Variants in ATP9B observed in about 807,000 individuals in gnomAD.
ATP9B encodes ATPase phospholipid transporting 9B.
A neutral mutation model predicts 146.1 loss-of-function variants in ATP9B; 110 were observed. The observed-to-expected ratio is 0.75, with a 90% CI of 0.65 to 0.88. The LOEUF (loss-of-function observed/expected upper bound fraction) is 0.88. Among genes scored for constraint, ATP9B ranks in the 40% least tolerant of loss-of-function variants. ATP9B has a pLI of 0.00. For synonymous variants in ATP9B, 604 were observed against 569.7 expected, an observed-to-expected ratio of 1.06 and a Z score of -0.86; for missense variants, 1,499 against 1,496.4, an observed-to-expected ratio of 1.00 and a Z score of -0.03.
intron 14 of ATP9B, among the ~76,000 whole-genome samples, chr18:79,304,315 C>T (rs1424996007): frequency 6.6e-6 from 1 of 151,932 alleles, no homozygotes; most frequent in Admixed American, 6.6e-5. Flanking sequence ...TCGTTGGGGC[C>T]AAAGCTCCCT....
intron 4 of ATP9B, among the ~76,000 whole-genome samples, chr18:79,123,034 G>A (rs2094215919): frequency 1.3e-5 from 2 of 152,012 alleles, no homozygotes; most frequent in Non-Finnish European, 2.9e-5. Flanking sequence ...TAGGAACAAG[G>A]GTGTTTGCTC....
At chr18:79,070,525 TC>T (rs1350498248) in intron 1 of ATP9B, among the ~76,000 whole-genome samples, 1 of 152,252 alleles carries the variant, frequency 6.6e-6, no homozygotes, top group East Asian at 1.9e-4. Flanking sequence ...TGCCCTTTTT[TC>T]AGTGCTTGGT....
intron 11 of ATP9B, among the ~76,000 whole-genome samples, chr18:79,221,103 C>T (rs2095672155): frequency 6.6e-6 from 1 of 152,214 alleles, no homozygotes; most frequent in South Asian, 2.1e-4. Context: ...CTGACTCTAG[C>T]AGAGGGTGTA....
intron 15 of ATP9B, among the ~76,000 whole-genome samples, chr18:79,323,915 C>T (rs769926375): frequency 3.9e-5 from 6 of 152,158 alleles, no homozygotes; most frequent in Non-Finnish European, 7.3e-5. Context: ...TTTACATTCC[C>T]GACAACAGTG....
chr18:79,323,008 A>G (rs1211798854), intron 15 of ATP9B, among the ~76,000 whole-genome samples: 1 of 152,268 alleles, frequency 6.6e-6, no homozygotes, highest in Non-Finnish European at 1.5e-5. Context: ...TATGGGGTAC[A>G]TGTGATATTT....
At position 79,092,872 on chromosome 18, in the gene ATP9B, A is replaced by G. The variant is rs116235914; in HGVS notation, c.120-3604A>G. On this transcript the variant is annotated intron_variant, in intron 1 of 29. Coordinates refer to ENST00000426216, the MANE Select transcript of ATP9B (RefSeq NM_198531.5). ...ACAGTTAGCTTTTTAAAAAATAAAT[A>G]GAAAATGTCTGATCTAAAATAATAA... is the stretch of plus-strand genomic sequence containing the variant. 1.8e-3 allele frequency among the ~76,000 whole-genome samples: 268 copies of G among 152,300 alleles called. 3 individuals are homozygous for G. Among genetic ancestry groups the G allele is most frequent in the African/African-American group, 6.1e-3 (252 of 41,566 alleles).
chr18:79,070,601 G>A (rs1412734658), intron 1 of ATP9B, among the ~76,000 whole-genome samples: 1 of 152,190 alleles, frequency 6.6e-6, no homozygotes, highest in African/African-American at 2.4e-5. Flanking sequence ...AATTTTAGGA[G>A]TTCTTTAGTT....
chr18:79,167,167 C>T (rs1300341022), intron 7 of ATP9B, among the ~76,000 whole-genome samples: 1 of 152,206 alleles, frequency 6.6e-6, no homozygotes, highest in African/African-American at 2.4e-5. Flanking sequence ...CTCTCCTTCT[C>T]ATTGCTTGCA....
At chr18:79,347,399 C>G (rs2096895770) in intron 23 of ATP9B, among the ~76,000 whole-genome samples, 1 of 152,218 alleles carries the variant, frequency 6.6e-6, no homozygotes, top group South Asian at 2.1e-4. Flanking sequence ...GGTGTCCTCC[C>G]ACAGGGCTGG....
chr18:79,199,542 A>C (rs2095446728), intron 9 of ATP9B, among the ~76,000 whole-genome samples: 1 of 151,968 alleles, frequency 6.6e-6, no homozygotes, highest in African/African-American at 2.4e-5. Flanking sequence ...CTGGTGGATC[A>C]CGAGGTCAAG....
At chr18:79,372,788 T>C in intron 26 of ATP9B, 37 bp from the exon 27 acceptor site, 1 of 1,416,878 alleles carries the variant, frequency 7.1e-7, no homozygotes, top group Non-Finnish European at 1.0e-6. Context: ...AGCAGGTGGT[T>C]CTGCGCACTA....
rs570055730 is a variant in ATP9B at position 79,288,316 on chromosome 18, A to G, written c.1411+11120A>G. Among the ~76,000 whole-genome samples the G allele has an allele frequency of 3.2e-3, 482 of 151,706 alleles. 2 individuals are homozygous for G. Among genetic ancestry groups the G allele is most frequent in the African/African-American group, 0.011 (469 of 41,326 alleles). ...CTGGGTGCTCCTGTATTGGGTGCAT[A>G]TATATTTAGGATAGTTAGCTCTTCT... is the stretch of plus-strand genomic sequence containing the variant. On this transcript the variant is annotated intron_variant, in intron 13 of 29. Transcript: ENST00000426216.
In ATP9B at chr18:79,209,273, C is replaced by A. The variant is rs182059136; in HGVS notation, c.1030+2261C>A. 3.5e-4 allele frequency among the ~76,000 whole-genome samples: 53 copies of A among 152,354 alleles called. No individual in the cohort carries two copies. In the East Asian group the frequency reaches 7.3e-3, roughly 21 times the overall value. ...AGCTGACACATGGGGAGAAGACTTACATTTTCCATACATAGTTATTGCAGC... is the reference window on the plus strand; with the variant it reads ...AGCTGACACATGGGGAGAAGACTTAAATTTTCCATACATAGTTATTGCAGC... On this transcript the variant is annotated intron_variant, in intron 10 of 29. Transcript: ENST00000426216.
At chr18:79,089,758 C>G (rs2074159761) in intron 1 of ATP9B, among the ~76,000 whole-genome samples, 2 of 152,164 alleles carry the variant, frequency 1.3e-5, no homozygotes, top group African/African-American at 4.8e-5. Context: ...TTTATCATTT[C>G]TTTGTGTTAG....
At chr18:79,229,841 G>A (rs2095772754) in intron 11 of ATP9B, among the ~76,000 whole-genome samples, 1 of 152,080 alleles carries the variant, frequency 6.6e-6, no homozygotes, top group African/African-American at 2.4e-5. Context: ...ATGGATTCTT[G>A]AACATTTTAA....
In ATP9B at chr18:79,253,512, TCTC is replaced by T. The variant is rs2096050819; in HGVS notation, c.1243_1245del (p.Leu415del). On this transcript the variant is annotated inframe_deletion, in exon 12 of 30. Coordinates refer to ENST00000426216, the MANE Select transcript of ATP9B (RefSeq NM_198531.5). Reference sequence around the variant, plus strand: ...GGTACCGCAATCTTTTTCGGTTCCTTCTCCTCTTTTCTTACATCATTCCCATAA... The same window carrying T: ...GGTACCGCAATCTTTTTCGGTTCCTTCTCTTTTCTTACATCATTCCCATAA... The T allele has an allele frequency of 1.9e-6, 3 of 1,603,012 alleles. No individual in the cohort carries two copies. The highest frequency in any genetic ancestry group is 1.4e-5 in the African/African-American group (1 of 74,036).
intron 11 of ATP9B, among the ~76,000 whole-genome samples, chr18:79,236,546 A>G (rs1301702119): frequency 1.3e-5 from 2 of 152,138 alleles, no homozygotes; most frequent in East Asian, 3.9e-4. Context: ...TGTCTTCTGA[A>G]GTTTTATTGT....
At chr18:79,148,732 G>A (rs957274743) in intron 6 of ATP9B, among the ~76,000 whole-genome samples, 2 of 152,116 alleles carry the variant, frequency 1.3e-5, no homozygotes, top group African/African-American at 4.8e-5. Context: ...ATAAAAGATG[G>A]ATTAGAAAAG....
intron 15 of ATP9B, among the ~76,000 whole-genome samples, chr18:79,310,908 T>C (rs2096649175): frequency 6.7e-6 from 1 of 148,868 alleles, no homozygotes; most frequent in South Asian, 2.1e-4. Flanking sequence ...CCCAGCACTT[T>C]GGGAGGCTAA....
Sources: allele counts gnomAD v4.1 joint callset (sites outside exome capture counted in the v4.1 genomes callset), GRCh38; gene constraint gnomAD v4.1.1; transcripts MANE v1.5; gene names NCBI Gene and HGNC (gene_info 2026-07-23, HGNC 2026-07-21).